PLXDC2: variants seen among roughly 807,000 people sequenced by gnomAD.
The protein encoded by PLXDC2 is plexin domain-containing protein 2.
PLXDC2 carries 40 observed loss-of-function variants against 68.9 expected under a neutral mutation model. The observed-to-expected ratio is 0.58, with a 90% CI of 0.45 to 0.76. The LOEUF (loss-of-function observed/expected upper bound fraction) is 0.76, where lower values mean the gene tolerates loss of function less well. PLXDC2 is among the 30% of genes least tolerant of loss of function. PLXDC2 has a pLI of 0.00. For missense variants in PLXDC2, 644 were observed against 661.9 expected, an observed-to-expected ratio of 0.97 and a Z score of 0.30; for synonymous variants, 243 against 234.2, an observed-to-expected ratio of 1.04 and a Z score of -0.34.
At chr10:20,279,636 A>G in intron 13 of PLXDC2, 67 bp from the exon 14 acceptor site, 1 of 1,209,956 alleles carries the variant, frequency 8.3e-7, no homozygotes, top group Non-Finnish European at 1.2e-6. Flanking sequence ...TAGCTAGCAA[A>G]TAGATTTTTC....
In PLXDC2 at chr10:20,147,772, A is replaced by G; in HGVS notation, c.665-12A>G. ...TCTCATTGCATTTCTTCTTTTTTCA[A>G]TGGGTGTATAGGCACAGCACTTGTG... is the stretch of plus-strand genomic sequence containing the variant. On this transcript the variant is annotated splice_polypyrimidine_tract_variant and intron_variant, in intron 5 of 13. Transcript: ENST00000377252. 4.1e-6 allele frequency: 6 copies of G among 1,477,612 alleles called. No homozygotes were observed. Among genetic ancestry groups the G allele is most frequent in the South Asian group, 2.4e-5 (2 of 82,956 alleles). The allele number at this position is 1,477,612 out of a possible 1,614,324, so 91.5% of individuals were successfully genotyped here.
intron 9 of PLXDC2, among the ~76,000 whole-genome samples, chr10:20,198,147 A>G (rs1346591181): frequency 2.0e-5 from 3 of 152,134 alleles, no homozygotes; most frequent in African/African-American, 7.2e-5. Context: ...AATATTTCTG[A>G]GGGTGTGAGT....
At chr10:19,905,474 T>TAA (rs1833142053) in intron 1 of PLXDC2, among the ~76,000 whole-genome samples, 1 of 152,206 alleles carries the variant, frequency 6.6e-6, no homozygotes, top group Non-Finnish European at 1.5e-5. Context: ...GGTTCTCTTG[T>TAA]AAGAGACCCA....
At chr10:20,254,131 T>G (rs1835713488) in intron 13 of PLXDC2, among the ~76,000 whole-genome samples, 2 of 152,148 alleles carry the variant, frequency 1.3e-5, no homozygotes. Flanking sequence ...GCAAGAGTCT[T>G]TTAAGCTTTT....
At chr10:20,251,694 A>G (rs1267508590) in intron 13 of PLXDC2, among the ~76,000 whole-genome samples, 2 of 152,330 alleles carry the variant, frequency 1.3e-5, no homozygotes, top group African/African-American at 2.4e-5. Flanking sequence ...TACAAAATCA[A>G]CATTCCTATG....
intron 13 of PLXDC2, among the ~76,000 whole-genome samples, chr10:20,247,998 T>C (rs1205678578): frequency 6.6e-6 from 1 of 152,178 alleles, no homozygotes; most frequent in Non-Finnish European, 1.5e-5. Context: ...AAGTTACAAA[T>C]GCATTCTTCA....
chr10:20,084,873 G>C (rs1589621636), intron 4 of PLXDC2, among the ~76,000 whole-genome samples: 3 of 116,798 alleles, frequency 2.6e-5, no homozygotes, highest in Non-Finnish European at 4.8e-5. Flanking sequence ...CGAAGGCCGT[G>C]GCAGAGGAAA....
chr10:19,956,623 A>C (rs975138293), intron 1 of PLXDC2, among the ~76,000 whole-genome samples: 1 of 152,216 alleles, frequency 6.6e-6, no homozygotes, highest in Non-Finnish European at 1.5e-5. Flanking sequence ...AAATGAATAA[A>C]TGAGCAAATG....
intron 13 of PLXDC2, among the ~76,000 whole-genome samples, chr10:20,275,868 G>A (rs1467850323): frequency 1.3e-5 from 2 of 151,908 alleles, no homozygotes; most frequent in African/African-American, 2.4e-5. Context: ...AGCTGAGATC[G>A]CGCCACTGCT....
Position 19,845,716 on chromosome 10 carries a change from A to G in PLXDC2, c.112+28525A>G, listed in dbSNP as rs143221536. On this transcript the variant is annotated intron_variant, in intron 1 of 13. Coordinates refer to ENST00000377252, the MANE Select transcript of PLXDC2 (RefSeq NM_032812.9). ...ACCCCTCAGCAGAGAGAAGCAGCTC[A>G]GGGCAGTTTTGCAGTTCTATTTATA... Among the ~76,000 whole-genome samples the G allele has an allele frequency of 4.9e-3, 747 of 152,342 alleles. 3 individuals are homozygous for G. The highest frequency in any genetic ancestry group is 8.0e-3 in the Admixed American group (123 of 15,300).
intron 11 of PLXDC2, among the ~76,000 whole-genome samples, chr10:20,218,185 A>G (rs879915544): frequency 3.9e-5 from 6 of 152,076 alleles, no homozygotes; most frequent in Non-Finnish European, 8.8e-5. Flanking sequence ...TACCCAACAT[A>G]CGATAATTTT....
chr10:20,021,748 G>A (rs1422091596), intron 2 of PLXDC2, among the ~76,000 whole-genome samples: 2 of 151,748 alleles, frequency 1.3e-5, no homozygotes, highest in African/African-American at 4.8e-5. Flanking sequence ...TGCCCAGGCT[G>A]GAGTGCAGTG....
At chr10:20,272,476 T>G (rs1174708083) in intron 13 of PLXDC2, among the ~76,000 whole-genome samples, 3 of 152,088 alleles carry the variant, frequency 2.0e-5, no homozygotes, top group Non-Finnish European at 4.4e-5. Context: ...AAAGAGAGCT[T>G]GTCACCCATG....
chr10:20,137,130 C>G (rs1163818989), intron 4 of PLXDC2, among the ~76,000 whole-genome samples: 1 of 152,150 alleles, frequency 6.6e-6, no homozygotes, highest in African/African-American at 2.4e-5. Flanking sequence ...GCCTGAAGCA[C>G]AATTTTAAAG....
intron 4 of PLXDC2, among the ~76,000 whole-genome samples, chr10:20,072,089 G>A (rs1441144836): frequency 6.6e-6 from 1 of 152,126 alleles, no homozygotes. Context: ...GCTCATGCCT[G>A]TAATCTCAGC....
intron 1 of PLXDC2, among the ~76,000 whole-genome samples, chr10:19,950,318 G>A (rs529616170): frequency 5.3e-5 from 8 of 152,106 alleles, no homozygotes; most frequent in East Asian, 1.9e-4. Flanking sequence ...GTAAAGTTTC[G>A]GGGTACAAAA....
chr10:20,284,951 T>G lies in PLXDC2; in HGVS notation c.*5132T>G, dbSNP rs921774114. On this transcript the variant is annotated 3_prime_UTR_variant, in exon 14 of 14. Coordinates refer to ENST00000377252, the MANE Select transcript of PLXDC2 (RefSeq NM_032812.9). ...TAGCCATTGCGGGGTCTTTGTGGTG[T>G]TTTCAATTTCTCCTCTCTCCACCCC... 10 of 152,292 alleles carry G rather than the reference T, an allele frequency of 6.6e-5. No homozygotes were observed. Among genetic ancestry groups the G allele is most frequent in the African/African-American group, 2.4e-4 (10 of 41,556 alleles). The allele number at this position is 152,292 out of a possible 1,614,324, so 9.4% of individuals were successfully genotyped here.
chr10:20,032,346 A>C (rs1835512949), intron 2 of PLXDC2, among the ~76,000 whole-genome samples: 1 of 152,174 alleles, frequency 6.6e-6, no homozygotes, highest in East Asian at 1.9e-4. Flanking sequence ...AGGAAAATGA[A>C]GTTGGAGAGA....
intron 1 of PLXDC2, among the ~76,000 whole-genome samples, chr10:19,904,384 C>T (rs1302591093): frequency 1.3e-5 from 2 of 151,970 alleles, no homozygotes; most frequent in African/African-American, 4.8e-5. Flanking sequence ...ATACAGGTCA[C>T]CAGGGAAGTG....
Sources: gnomAD v4.1 joint callset for allele counts (sites outside exome capture counted in the v4.1 genomes callset) on GRCh38, gnomAD v4.1.1 for gene constraint, MANE v1.5 for transcripts, NCBI Gene and HGNC (gene_info 2026-07-23, HGNC 2026-07-21) for gene names.